The following FBXW4 variants were observed in gnomAD, a reference collection of about 807,000 sequenced individuals.
FBXW4 encodes F-box and WD repeat domain containing 4.
In FBXW4, 40 loss-of-function variants were observed where a neutral mutation model predicts 61.8. The ratio of observed to expected loss-of-function variants is 0.65; its 90% CI spans 0.50 to 0.84. FBXW4 has a LOEUF of 0.84. Ranked by LOEUF, FBXW4 falls within the 40% of genes least tolerant of loss-of-function variation. The pLI is 0.00. For synonymous variants in FBXW4, 311 were observed against 313.8 expected, an observed-to-expected ratio of 0.99 and a Z score of 0.10; for missense variants, 672 against 753.8, an observed-to-expected ratio of 0.89 and a Z score of 1.27.
At chr10:101,678,798 C>T (rs1032262502) in intron 1 of FBXW4, among the ~76,000 whole-genome samples, 3 of 152,218 alleles carry the variant, frequency 2.0e-5, no homozygotes, top group Admixed American at 6.5e-5. Context: ...AGCCAGCAAG[C>T]AAGTCCAGCT....
chr10:101,649,920 G>A (rs1440141780), intron 5 of FBXW4, among the ~76,000 whole-genome samples: 1 of 152,214 alleles, frequency 6.6e-6, no homozygotes, highest in Non-Finnish European at 1.5e-5. Context: ...GCCATGGTTG[G>A]GGGCCTGGAG....
chr10:101,671,552 T>G (rs2064358305), intron 4 of FBXW4, among the ~76,000 whole-genome samples: 1 of 152,108 alleles, frequency 6.6e-6, no homozygotes. Context: ...CTGTTCTGGG[T>G]GTCAGACCAC....
At chr10:101,689,134 C>CAA (rs35098665) in intron 1 of FBXW4, among the ~76,000 whole-genome samples, 168 of 147,922 alleles carry the variant, frequency 1.1e-3, no homozygotes, top group Middle Eastern at 3.5e-3. Context: ...GTTCCAGGTG[C>CAA]AAAAAAAAAA....
chr10:101,651,495 G>T (rs1379253583), intron 5 of FBXW4, among the ~76,000 whole-genome samples: 1 of 152,204 alleles, frequency 6.6e-6, no homozygotes. Flanking sequence ...GTGAATCAGG[G>T]ACGGTTTATC....
intron 5 of FBXW4, among the ~76,000 whole-genome samples, chr10:101,660,813 T>C (rs1564918175): frequency 6.6e-6 from 1 of 152,138 alleles, no homozygotes; most frequent in East Asian, 1.9e-4. Context: ...GACTGATCCG[T>C]CCAGCGTGCT....
chr10:101,674,633 C>T (rs1044069491), intron 2 of FBXW4, among the ~76,000 whole-genome samples: 1 of 152,198 alleles, frequency 6.6e-6, no homozygotes, highest in Non-Finnish European at 1.5e-5. Context: ...ATCTACATTT[C>T]TGTATTAGAG....
At chr10:101,662,197 G>A (rs1416356050) in intron 5 of FBXW4, among the ~76,000 whole-genome samples, 4 of 152,148 alleles carry the variant, frequency 2.6e-5, no homozygotes, top group African/African-American at 9.7e-5. Flanking sequence ...ACAGGCCGCT[G>A]AATATGCATC....
intron 6 of FBXW4, among the ~76,000 whole-genome samples, chr10:101,619,209 G>A (rs1447461691): frequency 6.6e-6 from 1 of 152,196 alleles, no homozygotes; most frequent in Admixed American, 6.5e-5. Flanking sequence ...CGGAATTCCT[G>A]GCACTTGGGA....
intron 1 of FBXW4, among the ~76,000 whole-genome samples, chr10:101,687,511 T>A (rs1231156509): frequency 4.6e-5 from 7 of 152,176 alleles, no homozygotes; most frequent in Non-Finnish European, 1.0e-4. Flanking sequence ...TTCTGTACAG[T>A]AACCACCACT....
chr10:101,695,163 C>T lies in FBXW4; in HGVS notation c.-58G>A, dbSNP rs2064663732. On this transcript the variant is annotated 5_prime_UTR_variant, in exon 1 of 9. Transcript: ENST00000331272. This position sits in a 1 kb window ranked among gnomAD's most constrained non-coding sequence, Gnocchi z 4.2. Reference sequence around the variant, plus strand: ...CAGCCCGAGCCGCCACCGCCGCCGCCCCGGGAGGAGGCGACACCATGTCGG... The same window carrying T: ...CAGCCCGAGCCGCCACCGCCGCCGCTCCGGGAGGAGGCGACACCATGTCGG... 1 of 985,412 alleles carries T rather than the reference C, an allele frequency of 1.0e-6. No individual in the cohort carries two copies. The highest frequency in any genetic ancestry group is 1.7e-5 in the African/African-American group (1 of 57,332). 61.0% of individuals were successfully genotyped at this position (985,412 alleles called of 1,614,324 possible).
chr10:101,632,091 G>GTT (rs1172444266), intron 5 of FBXW4, among the ~76,000 whole-genome samples: 3 of 152,134 alleles, frequency 2.0e-5, no homozygotes, highest in African/African-American at 7.2e-5. Context: ...GTAGCTTAAG[G>GTT]TTAGGCCAAG....
intron 1 of FBXW4, among the ~76,000 whole-genome samples, chr10:101,686,108 A>G (rs924275694): frequency 6.6e-6 from 1 of 152,218 alleles, no homozygotes; most frequent in Non-Finnish European, 1.5e-5. Flanking sequence ...CATGAGCTTA[A>G]GATTCAGAAC....
chr10:101,659,328 T>C (rs1260683091), intron 5 of FBXW4: 2 of 936,182 alleles, frequency 2.1e-6, no homozygotes, highest in Non-Finnish European at 2.5e-6. Context: ...AGATAAGTCA[T>C]GGATGGTTTG....
At chr10:101,692,746 CAAAAAAAAA>C (rs61631625) in intron 1 of FBXW4, among the ~76,000 whole-genome samples, 1 of 85,248 alleles carries the variant, frequency 1.2e-5, no homozygotes, top group Non-Finnish European at 2.1e-5. Context: ...AACTCCGTCT[CAAAAAAAAA>C]AAAAAAAAAA....
chr10:101,670,596 G>A (rs1400478969), intron 4 of FBXW4, among the ~76,000 whole-genome samples: 8 of 152,186 alleles, frequency 5.3e-5, no homozygotes, highest in Non-Finnish European at 1.2e-4. Flanking sequence ...GGCCAGGTAC[G>A]CACATCTCTT....
At chr10:101,677,867 A>G (rs1401474939) in intron 1 of FBXW4, among the ~76,000 whole-genome samples, 1 of 152,024 alleles carries the variant, frequency 6.6e-6, no homozygotes, top group Non-Finnish European at 1.5e-5. Flanking sequence ...TTCACTGTAT[A>G]TATTTTTTTC....
At chr10:101,656,076 A>G (rs1184764769) in intron 5 of FBXW4, among the ~76,000 whole-genome samples, 1 of 152,160 alleles carries the variant, frequency 6.6e-6, no homozygotes, top group Non-Finnish European at 1.5e-5. Context: ...CCCCACACAA[A>G]GGAAGCGAAG....
chr10:101,675,834 C>CT (rs2064402774), intron 2 of FBXW4, among the ~76,000 whole-genome samples: 1 of 152,228 alleles, frequency 6.6e-6, no homozygotes, highest in South Asian at 2.1e-4. Flanking sequence ...GCTCTAAGCT[C>CT]TAACTCCTGT....
At chr10:101,630,900 C>A (rs2063949490) in intron 5 of FBXW4, among the ~76,000 whole-genome samples, 1 of 152,228 alleles carries the variant, frequency 6.6e-6, no homozygotes, top group Non-Finnish European at 1.5e-5. Context: ...TGAATGCCCT[C>A]TAGAGCGCAG....
Sources: gnomAD v4.1 joint callset for allele counts (sites outside exome capture counted in the v4.1 genomes callset) on GRCh38, gnomAD v4.1.1 for gene constraint, Gnocchi (gnomAD v3.1) non-coding constraint, MANE v1.5 for transcripts, NCBI Gene and HGNC (gene_info 2026-07-23, HGNC 2026-07-21) for gene names.